Variants in HDLBP observed in about 807,000 individuals in gnomAD.
The protein encoded by HDLBP is vigilin.
Under a neutral mutation model 137.3 loss-of-function variants are expected in HDLBP, and 30 were observed. The ratio of observed to expected loss-of-function variants is 0.22; its 90% CI spans 0.16 to 0.30. HDLBP has a LOEUF of 0.30. Ranked by LOEUF, HDLBP falls within the 10% of genes least tolerant of loss-of-function variation. The pLI, the probability that HDLBP is intolerant of heterozygous loss-of-function variation, is 1.00. For synonymous variants in HDLBP, 606 were observed against 596.0 expected (o/e 1.02, Z -0.24); for missense variants, 1,119 against 1,667.3 (o/e 0.67, Z 5.73).
rs2074145313 is a variant in HDLBP at position 241,272,386 on chromosome 2, G to A, written c.-102-3845C>T. ...CTGGGCTCAGGTCGGCCGCCCCTCCGCGCCGTGCGGCCACGGCACCAGGGG... is the reference window on the plus strand; with the variant it reads ...CTGGGCTCAGGTCGGCCGCCCCTCCACGCCGTGCGGCCACGGCACCAGGGG... On this transcript the variant is annotated intron_variant, in intron 1 of 27. Coordinates refer to ENST00000310931, the MANE Select transcript of HDLBP (RefSeq NM_005336.6). This position sits in a 1 kb window ranked among gnomAD's most constrained non-coding sequence, Gnocchi z 5.6. The A allele has an allele frequency of 2.0e-6, 2 of 984,596 alleles. No homozygotes were observed. The highest frequency in any genetic ancestry group is 5.2e-4 in the Middle Eastern group (1 of 1,934). 61.0% of individuals were successfully genotyped at this position (984,596 alleles called of 1,614,324 possible).
intron 1 of HDLBP, among the ~76,000 whole-genome samples, chr2:241,297,985 T>C (rs992449436): frequency 2.3e-5 from 3 of 128,072 alleles, no homozygotes; most frequent in Admixed American, 2.0e-4. Context: ...GAGGCAGAGG[T>C]TGCAGTGAGC....
rs2076047756 is a variant in HDLBP at position 241,315,587 on chromosome 2, G to A, written c.-120C>T. On this transcript the variant is annotated 5_prime_UTR_variant, in exon 1 of 28. Transcript: ENST00000310931. ...CTCATTACCTGTTCCACTCTTATAAGCATAAGAAAACCGAGCTCATAAGGT... is the reference window on the plus strand; with the variant it reads ...CTCATTACCTGTTCCACTCTTATAAACATAAGAAAACCGAGCTCATAAGGT... The A allele has an allele frequency of 6.6e-6, 1 of 152,218 alleles. No individual in the cohort carries two copies. The highest frequency in any genetic ancestry group is 1.5e-5 in the Non-Finnish European group (1 of 68,086). 9.4% of individuals were successfully genotyped at this position (152,218 alleles called of 1,614,324 possible).
intron 3 of HDLBP, among the ~76,000 whole-genome samples, chr2:241,265,983 T>C (rs1291401934): frequency 2.0e-5 from 3 of 152,210 alleles, no homozygotes; most frequent in Admixed American, 6.5e-5. Context: ...GAAAAGTTAA[T>C]TTTATATTTT....
chr2:241,271,166 T>TA (rs1420915441), intron 1 of HDLBP: 1 of 981,986 alleles, frequency 1.0e-6, no homozygotes, highest in Non-Finnish European at 1.2e-6. Context: ...GTCCCTCCCA[T>TA]ATGGCCCCAG....
intron 17 of HDLBP, among the ~76,000 whole-genome samples, chr2:241,241,363 C>T (rs1375146343): frequency 6.6e-6 from 1 of 151,800 alleles, no homozygotes; most frequent in Non-Finnish European, 1.5e-5. Flanking sequence ...GTCAGGAGAT[C>T]GAGACCATCC....
chr2:241,257,007 T>C (rs2072674527), intron 5 of HDLBP, among the ~76,000 whole-genome samples: 2 of 152,060 alleles, frequency 1.3e-5, no homozygotes, highest in African/African-American at 2.4e-5. Flanking sequence ...TAAGTTCGAG[T>C]GTATCTGCAC....
At chr2:241,304,670 C>A (rs1480230401) in intron 1 of HDLBP, among the ~76,000 whole-genome samples, 1 of 152,192 alleles carries the variant, frequency 6.6e-6, no homozygotes, top group East Asian at 1.9e-4. Context: ...AAACACAGGA[C>A]AACTTTACAG....
rs1364961134 is a variant in HDLBP at position 241,272,739 on chromosome 2, C to T, written c.-102-4198G>A. 5 of 423,368 alleles carry T rather than the reference C, an allele frequency of 1.2e-5. No homozygotes were observed. Among genetic ancestry groups the T allele is most frequent in the Non-Finnish European group, 1.6e-5 (5 of 319,302 alleles). The allele number at this position is 423,368 out of a possible 1,614,324, so 26.2% of individuals were successfully genotyped here. On this transcript the variant is annotated intron_variant, in intron 1 of 27. Coordinates refer to ENST00000310931, the MANE Select transcript of HDLBP (RefSeq NM_005336.6). The surrounding 1 kb of genome is among the most constrained non-coding windows in gnomAD (Gnocchi z 5.6). ...CGTCCGCCCGCCCGCCCAGGCCTCC[C>T]AGCCCCGTGTTGCGCGCTCACTCGT...
intron 1 of HDLBP, chr2:241,273,201 CGGAT>C: frequency 1.0e-6 from 1 of 985,522 alleles, no homozygotes; most frequent in Non-Finnish European, 1.2e-6. Flanking sequence ...ACATCGTAAA[CGGAT>C]GGCCACACTG....
At chr2:241,234,849 G>A (rs1451324914) in intron 23 of HDLBP, among the ~76,000 whole-genome samples, 10 of 152,190 alleles carry the variant, frequency 6.6e-5, no homozygotes. Flanking sequence ...TAGGTCTGAG[G>A]TACCACTCTG....
chr2:241,300,692 T>C (rs1035028938), intron 1 of HDLBP, among the ~76,000 whole-genome samples: 1 of 152,136 alleles, frequency 6.6e-6, no homozygotes, highest in African/African-American at 2.4e-5. Context: ...GACCTTCACA[T>C]CACCACCTCA....
At chr2:241,310,945 T>C (rs2075740127) in intron 1 of HDLBP, among the ~76,000 whole-genome samples, 1 of 151,958 alleles carries the variant, frequency 6.6e-6, no homozygotes, top group Non-Finnish European at 1.5e-5. Flanking sequence ...AGAGCTCATG[T>C]CTACAAAAAG....
At chr2:241,262,681 C>T in intron 5 of HDLBP, 30 bp downstream of exon 5, 1 of 1,545,278 alleles carries the variant, frequency 6.5e-7, no homozygotes, top group Non-Finnish European at 8.9e-7. Context: ...TACACAGTCA[C>T]TGGGGAGAAG....
chr2:241,255,229 C>T (rs1327194634), intron 8 of HDLBP, 71 bp from the exon 9 acceptor site: 19 of 1,490,544 alleles, frequency 1.3e-5, no homozygotes, highest in Non-Finnish European at 1.7e-5. Context: ...CCAGGCTGCT[C>T]ACCTGGGGCT....
At chr2:241,290,818 G>A (rs1262590330) in intron 1 of HDLBP, among the ~76,000 whole-genome samples, 1 of 152,176 alleles carries the variant, frequency 6.6e-6, no homozygotes, top group Non-Finnish European at 1.5e-5. Flanking sequence ...GGCGGCCTAA[G>A]CATCAGAGAA....
chr2:241,308,886 C>T (rs966083509), intron 1 of HDLBP, among the ~76,000 whole-genome samples: 2 of 152,186 alleles, frequency 1.3e-5, no homozygotes, highest in African/African-American at 4.8e-5. Flanking sequence ...TCTCCAAAGG[C>T]ATCAAGATCC....
At chr2:241,262,635 T>C (rs755997607) in intron 5 of HDLBP, 76 bp downstream of exon 5, 1 of 1,148,918 alleles carries the variant, frequency 8.7e-7, no homozygotes, top group Non-Finnish European at 1.3e-6. Context: ...TCCAGTGACG[T>C]TCTAGCCTGC....
chr2:241,247,023 AG>A, intron 15 of HDLBP, 32 bp downstream of exon 15: 1 of 1,581,298 alleles, frequency 6.3e-7, no homozygotes, highest in Non-Finnish European at 8.7e-7. Context: ...GGACAAGGCA[AG>A]AAGAAGCAAG....
intron 1 of HDLBP, among the ~76,000 whole-genome samples, chr2:241,295,140 C>T (rs534437495): frequency 6.1e-4 from 93 of 152,102 alleles, no homozygotes; most frequent in African/African-American, 2.0e-3. Flanking sequence ...CGTGGCTGAC[C>T]GACGACCATT....
Sources: allele counts gnomAD v4.1 joint callset (sites outside exome capture counted in the v4.1 genomes callset), GRCh38; gene constraint gnomAD v4.1.1; non-coding constraint Gnocchi (gnomAD v3.1); transcripts MANE v1.5; gene names NCBI Gene and HGNC (gene_info 2026-07-23, HGNC 2026-07-21).